Variants in NRP1 observed in about 807,000 individuals in gnomAD.
NRP1 encodes the protein neuropilin-1.
Under a neutral mutation model 106.7 loss-of-function variants are expected in NRP1, and 35 were observed. The ratio of observed to expected loss-of-function variants is 0.33; its 90% CI spans 0.25 to 0.43. The LOEUF is 0.43. NRP1 is among the 20% of genes least tolerant of loss of function. The pLI is 1.00. For missense variants in NRP1, 1,024 were observed against 1,170.4 expected (o/e 0.87, Z 1.83); for synonymous variants, 437 against 417.9 (o/e 1.05, Z -0.56).
intron 9 of NRP1, among the ~76,000 whole-genome samples, chr10:33,210,581 C>T (rs1388537078): frequency 1.3e-5 from 2 of 152,182 alleles, no homozygotes; most frequent in Non-Finnish European, 2.9e-5. Flanking sequence ...TCTTTGTGTT[C>T]TGTTGCTAAT....
intron 1 of NRP1, among the ~76,000 whole-genome samples, chr10:33,331,856 T>G (rs990433315): frequency 6.6e-6 from 1 of 152,184 alleles, no homozygotes; most frequent in African/African-American, 2.4e-5. Context: ...ATGCTTAATT[T>G]TGAGCAATAA....
At position 33,191,977 on chromosome 10, in the gene NRP1, CAAAAAAAAAA is replaced by C. The variant is rs58214479; in HGVS notation, c.2062+294_2062+303del. 5.6e-4 allele frequency among the ~76,000 whole-genome samples: 40 copies of C among 71,718 alleles called. 1 individual carries two copies. The highest frequency in any genetic ancestry group is 0.021 in the Middle Eastern group (2 of 96). The allele number at this position is 71,718 out of a possible 152,430, so 47.0% of individuals were successfully genotyped here. On this transcript the variant is annotated intron_variant, in intron 13 of 16. Coordinates refer to ENST00000374867, the MANE Select transcript of NRP1 (RefSeq NM_003873.7). ...CGGGCAACAGTGTGAGACTCCATTT[CAAAAAAAAAA>C]AAAAAAAAAAAAAGGATAAGATGAA...
chr10:33,255,306 T>C (rs1429419177), intron 5 of NRP1, among the ~76,000 whole-genome samples: 2 of 152,228 alleles, frequency 1.3e-5, no homozygotes, highest in Non-Finnish European at 2.9e-5. Flanking sequence ...GAAATTTCAC[T>C]GGCCTCTTTA....
At chr10:33,313,556 A>AT (rs1171744123) in intron 2 of NRP1, among the ~76,000 whole-genome samples, 1 of 152,094 alleles carries the variant, frequency 6.6e-6, no homozygotes, top group African/African-American at 2.4e-5. Flanking sequence ...TGGCAGGAGG[A>AT]TTTTTTCTGG....
intron 2 of NRP1, among the ~76,000 whole-genome samples, chr10:33,322,747 T>A (rs374127118): frequency 1.3e-5 from 2 of 152,226 alleles, no homozygotes; most frequent in Non-Finnish European, 2.9e-5. Context: ...TCACAAGTGC[T>A]TATTTAATCT....
At chr10:33,250,607 G>C (rs1841785917) in intron 6 of NRP1, among the ~76,000 whole-genome samples, 1 of 152,202 alleles carries the variant, frequency 6.6e-6, no homozygotes, top group Admixed American at 6.5e-5. Context: ...CCTGCATACT[G>C]TAATATAAAC....
At chr10:33,217,104 G>A (rs564225736) in intron 8 of NRP1, among the ~76,000 whole-genome samples, 14 of 151,986 alleles carry the variant, frequency 9.2e-5, no homozygotes, top group South Asian at 2.1e-4. Flanking sequence ...TTTTGGCCAC[G>A]GTGTTCATAC....
In NRP1 at chr10:33,179,960, G is replaced by A; in HGVS notation, c.*116C>T. On this transcript the variant is annotated 3_prime_UTR_variant, in exon 17 of 17. Coordinates refer to ENST00000374867, the MANE Select transcript of NRP1 (RefSeq NM_003873.7). ...TCATTGAAGCTCCTGAGAAAAGCCT[G>A]GCTCAGTGGTCATCAACACACTTCC... The A allele has an allele frequency of 1.9e-6, 2 of 1,042,294 alleles. No individual in the cohort carries two copies. The highest frequency in any genetic ancestry group is 2.8e-6 in the Non-Finnish European group (2 of 701,978). The allele number at this position is 1,042,294 out of a possible 1,614,324, so 64.6% of individuals were successfully genotyped here. A position where few individuals can be genotyped will look rare whatever the true frequency, so the allele number is the denominator to read the frequency against.
chr10:33,233,660 G>A (rs961440036), intron 6 of NRP1, among the ~76,000 whole-genome samples: 2 of 152,202 alleles, frequency 1.3e-5, no homozygotes, highest in Non-Finnish European at 2.9e-5. Context: ...GCAAGGGAGC[G>A]TTTACCAGCT....
In NRP1 at chr10:33,243,560, G is replaced by C. The variant is rs189930387; in HGVS notation, c.981+10468C>G. The stretch of plus-strand genomic sequence containing the variant: ...AGAAGTTTAAAGCATTGGAATTGTA[G>C]GAAGAATAAAACTTTGGTAGAATTG... On this transcript the variant is annotated intron_variant, in intron 6 of 16. Transcript: ENST00000374867. 6.2e-3 allele frequency among the ~76,000 whole-genome samples: 949 copies of C among 152,270 alleles called. 5 individuals carry two copies. Among genetic ancestry groups the C allele is most frequent in the Non-Finnish European group, 9.1e-3 (620 of 68,012 alleles).
chr10:33,279,728 C>T (rs187501444), intron 2 of NRP1, among the ~76,000 whole-genome samples: 1 of 152,152 alleles, frequency 6.6e-6, no homozygotes, highest in East Asian at 1.9e-4. Flanking sequence ...ACCACTAAGA[C>T]CACGCTCTGC....
At chr10:33,204,160 A>G (rs1837575975) in intron 10 of NRP1, among the ~76,000 whole-genome samples, 2 of 152,260 alleles carry the variant, frequency 1.3e-5, no homozygotes, top group South Asian at 4.2e-4. Context: ...TGAGAACCAT[A>G]CAAGATGTTG....
intron 1 of NRP1, among the ~76,000 whole-genome samples, chr10:33,334,089 G>GC (rs1388577849): frequency 6.6e-6 from 1 of 152,198 alleles, no homozygotes; most frequent in East Asian, 1.9e-4. Flanking sequence ...AAGCCCCACA[G>GC]CCCAAGGATC....
At chr10:33,250,709 T>A (rs1394574567) in intron 6 of NRP1, among the ~76,000 whole-genome samples, 1 of 152,194 alleles carries the variant, frequency 6.6e-6, no homozygotes, top group African/African-American at 2.4e-5. Flanking sequence ...ACTTCAGCAA[T>A]CTCGTTTTTA....
chr10:33,243,595 A>T (rs2133091718), intron 6 of NRP1, among the ~76,000 whole-genome samples: 1 of 150,412 alleles, frequency 6.6e-6, no homozygotes, highest in East Asian at 2.0e-4. Flanking sequence ...GAGACATCTC[A>T]TTCTCCTGAA....
chr10:33,182,944 C>T (rs1189690619), intron 15 of NRP1, among the ~76,000 whole-genome samples, 196 bp from the exon 16 acceptor site: 4 of 151,830 alleles, frequency 2.6e-5, no homozygotes, highest in Non-Finnish European at 4.4e-5. Context: ...GTTAAATGAC[C>T]GGGAAATTGG....
chr10:33,286,963 C>T (rs1844612857), intron 2 of NRP1, among the ~76,000 whole-genome samples: 1 of 152,164 alleles, frequency 6.6e-6, no homozygotes, highest in Non-Finnish European at 1.5e-5. Context: ...CCTTCCCAGA[C>T]ATAGGCAAAA....
Position 33,226,865 on chromosome 10 carries a change from T to C in NRP1, c.982-576A>G, listed in dbSNP as rs116760062. Reference sequence around the variant, plus strand: ...GTCCCACCTTTCTGGACCAAACCAATGTACATCTTCTATGTATCTGATTGA... The same window carrying C: ...GTCCCACCTTTCTGGACCAAACCAACGTACATCTTCTATGTATCTGATTGA... On this transcript the variant is annotated intron_variant, in intron 6 of 16. Transcript: ENST00000374867. 6.1e-3 allele frequency among the ~76,000 whole-genome samples: 924 copies of C among 152,286 alleles called. 7 individuals are homozygous for C. The highest frequency in any genetic ancestry group is 0.021 in the African/African-American group (879 of 41,554).
At chr10:33,210,457 A>G (rs1327012451) in intron 9 of NRP1, among the ~76,000 whole-genome samples, 1 of 152,254 alleles carries the variant, frequency 6.6e-6, no homozygotes, top group Non-Finnish European at 1.5e-5. Flanking sequence ...TGAGCAAAGA[A>G]TTAACACAAT....
Sources: gnomAD v4.1 joint callset for allele counts (sites outside exome capture counted in the v4.1 genomes callset) on GRCh38, gnomAD v4.1.1 for gene constraint, MANE v1.5 for transcripts, NCBI Gene and HGNC (gene_info 2026-07-23, HGNC 2026-07-21) for gene names.